Variants in KCND2 observed in about 807,000 individuals in gnomAD.
The protein encoded by KCND2 is A-type voltage-gated potassium channel KCND2.
A neutral mutation model predicts 54.4 loss-of-function variants in KCND2; 16 were observed. That is an observed-to-expected ratio of 0.29 (90% CI 0.20 to 0.45). The LOEUF (loss-of-function observed/expected upper bound fraction) is 0.45. Ranked by LOEUF, KCND2 falls within the 20% of genes least tolerant of loss-of-function variation. The pLI is 1.00. For missense variants in KCND2, 486 were observed against 824.2 expected (o/e 0.59, Z 5.02); for synonymous variants, 317 against 310.7 (o/e 1.02, Z -0.21).
chr7:120,670,915 C>CAAAAAAAA (rs201567194), intron 1 of KCND2, among the ~76,000 whole-genome samples: 5 of 93,388 alleles, frequency 5.4e-5, no homozygotes, highest in African/African-American at 2.1e-4. Flanking sequence ...GGCTCCGTCT[C>CAAAAAAAA]AAAAAAAAAA....
intron 1 of KCND2, among the ~76,000 whole-genome samples, chr7:120,321,503 A>G (rs1303849207): frequency 6.6e-6 from 1 of 152,054 alleles, no homozygotes; most frequent in African/African-American, 2.4e-5. Context: ...ATATTTTTGG[A>G]TATCAATATA....
chr7:120,723,838 C>T (rs1476647749), intron 1 of KCND2, among the ~76,000 whole-genome samples: 4 of 152,128 alleles, frequency 2.6e-5, no homozygotes, highest in Non-Finnish European at 5.9e-5. Flanking sequence ...TGGCAGGTCT[C>T]GCCACTTCTA....
intron 1 of KCND2, among the ~76,000 whole-genome samples, chr7:120,608,626 T>C (rs1362564075): frequency 1.3e-5 from 2 of 152,176 alleles, no homozygotes; most frequent in Non-Finnish European, 2.9e-5. Flanking sequence ...CGTCCCACTT[T>C]AGCTGTTTGG....
At chr7:120,347,017 G>T (rs1007686234) in intron 1 of KCND2, among the ~76,000 whole-genome samples, 5 of 152,066 alleles carry the variant, frequency 3.3e-5, no homozygotes, top group African/African-American at 1.2e-4. Context: ...AAATATGTTT[G>T]CTAGCCTTCA....
chr7:120,664,398 G>C (rs895879513), intron 1 of KCND2, among the ~76,000 whole-genome samples: 3 of 151,734 alleles, frequency 2.0e-5, no homozygotes, highest in Non-Finnish European at 2.9e-5. Context: ...TTGGTATTTT[G>C]AATGTAATAC....
rs569159644 is a variant in KCND2 at position 120,514,275 on chromosome 7, A to C, written c.1116-218628A>C. 1.2e-4 allele frequency among the ~76,000 whole-genome samples: 18 copies of C among 152,158 alleles called. No homozygotes were observed. The South Asian group carries it at 3.7e-3, about 32-fold the overall frequency. On this transcript the variant is annotated intron_variant, in intron 1 of 5. Transcript: ENST00000331113. ...CATATTCTTACCTGTCCACACCAAA[A>C]ACTCAAAAGACAGTTACAATGCTTT...
At chr7:120,566,007 G>C (rs539336791) in intron 1 of KCND2, among the ~76,000 whole-genome samples, 1 of 151,976 alleles carries the variant, frequency 6.6e-6, no homozygotes, top group African/African-American at 2.4e-5. Flanking sequence ...AGACCACAAC[G>C]CCTATCTTCA....
chr7:120,643,826 A>G (rs1481476881), intron 1 of KCND2, among the ~76,000 whole-genome samples: 5 of 151,584 alleles, frequency 3.3e-5, no homozygotes, highest in Admixed American at 3.3e-4. Flanking sequence ...TTACTCTCAA[A>G]AATAGGATGT....
At chr7:120,594,154 T>TA (rs1345577406) in intron 1 of KCND2, among the ~76,000 whole-genome samples, 1 of 152,208 alleles carries the variant, frequency 6.6e-6, no homozygotes, top group Non-Finnish European at 1.5e-5. Context: ...AAAATAGACT[T>TA]AGAGATCTCA....
intron 1 of KCND2, among the ~76,000 whole-genome samples, chr7:120,472,666 G>C (rs138335576): frequency 6.6e-6 from 1 of 152,034 alleles, no homozygotes; most frequent in South Asian, 2.1e-4. Flanking sequence ...GAGACCTGGA[G>C]TCTTATGAAA....
chr7:120,723,015 G>GC (rs1792687847), intron 1 of KCND2, among the ~76,000 whole-genome samples: 1 of 152,198 alleles, frequency 6.6e-6, no homozygotes, highest in South Asian at 2.1e-4. Context: ...CTGCAGGGCA[G>GC]CAGCGGTGAC....
chr7:120,388,729 C>T (rs1341002011), intron 1 of KCND2, among the ~76,000 whole-genome samples: 4 of 151,856 alleles, frequency 2.6e-5, no homozygotes, highest in African/African-American at 9.7e-5. Flanking sequence ...GTATTCTCTA[C>T]AAAACTTCTG....
At chr7:120,419,242 G>A (rs899527657) in intron 1 of KCND2, among the ~76,000 whole-genome samples, 5 of 151,988 alleles carry the variant, frequency 3.3e-5, no homozygotes, top group African/African-American at 1.2e-4. Context: ...TACTAGGAAG[G>A]GGCGGCTTTA....
At position 120,313,227 on chromosome 7, in the gene KCND2, G is replaced by A. The variant is rs1799765676; in HGVS notation, c.1115+37480G>A. ...TTTAGATAAGAGATGCTTGTGGTAT[G>A]GAAATTTAGGTTGCTAATACTGACT... On this transcript the variant is annotated intron_variant, in intron 1 of 5. Transcript: ENST00000331113. 2.6e-5 allele frequency among the ~76,000 whole-genome samples: 4 copies of A among 152,164 alleles called. 1 individual carries two copies. Among genetic ancestry groups the A allele is most frequent in the Admixed American group, 2.6e-4 (4 of 15,274 alleles).
chr7:120,575,017 A>G (rs1792411052), intron 1 of KCND2, among the ~76,000 whole-genome samples: 2 of 150,594 alleles, frequency 1.3e-5, no homozygotes, highest in South Asian at 4.5e-4. Context: ...AAAAATAAAC[A>G]ACGACTCTTA....
At position 120,628,042 on chromosome 7, in the gene KCND2, A is replaced by T. The variant is rs1057268487; in HGVS notation, c.1116-104861A>T. Among the ~76,000 whole-genome samples, 38 of 152,018 alleles carry T rather than the reference A, an allele frequency of 2.5e-4. 1 individual carries two copies. The highest frequency in any genetic ancestry group is 1.3e-4 in the Non-Finnish European group (9 of 67,958). ...TGTTAGACCAGGAAATTTGACATTT[A>T]AAAAAAATGCACATGTTGGTTCCAA... On this transcript the variant is annotated intron_variant, in intron 1 of 5. Coordinates refer to ENST00000331113, the MANE Select transcript of KCND2 (RefSeq NM_012281.3).
chr7:120,574,005 T>C (rs1249068364), intron 1 of KCND2, among the ~76,000 whole-genome samples: 1 of 152,164 alleles, frequency 6.6e-6, no homozygotes, highest in Non-Finnish European at 1.5e-5. Flanking sequence ...CTCTGCACTT[T>C]TGTCCCTGTG....
intron 1 of KCND2, among the ~76,000 whole-genome samples, chr7:120,660,653 A>G (rs984819246): frequency 1.4e-4 from 22 of 152,220 alleles, no homozygotes; most frequent in African/African-American, 4.8e-4. Flanking sequence ...CTTATGTACA[A>G]AAGTATCAAT....
At chr7:120,460,347 C>T (rs1467936906) in intron 1 of KCND2, among the ~76,000 whole-genome samples, 1 of 152,264 alleles carries the variant, frequency 6.6e-6, no homozygotes, top group East Asian at 1.9e-4. Flanking sequence ...GGAAATGTGC[C>T]TAAGGTCATC....
Sources: allele counts gnomAD v4.1 joint callset (sites outside exome capture counted in the v4.1 genomes callset), GRCh38; gene constraint gnomAD v4.1.1; transcripts MANE v1.5; gene names NCBI Gene and HGNC (gene_info 2026-07-23, HGNC 2026-07-21).